Variants in BLTP3B observed in about 807,000 individuals in gnomAD.
BLTP3B encodes the protein bridge-like lipid transfer protein family member 3B.
At chr12:100,108,659 A>ATGTTG in the BLTP3B span, 2 of 830,820 alleles carry the variant, frequency 2.4e-6, no homozygotes, top group Non-Finnish European at 3.6e-6. Context: ...ACACAACATA[A>ATGTTG]TGTCCATCAA....
the BLTP3B span, among the ~76,000 whole-genome samples, chr12:100,061,091 C>A: frequency 6.6e-6 from 1 of 152,006 alleles, no homozygotes; most frequent in Non-Finnish European, 1.5e-5. Context: ...CATATACAAA[C>A]AGAGAAAAAT....
chr12:100,098,317 A>C, the BLTP3B span: 1,034 of 1,541,004 alleles, frequency 6.7e-4, 11 homozygotes, highest in African/African-American at 0.013. Context: ...TTGTCACTAA[A>C]TGAAACATTT....
the BLTP3B span, among the ~76,000 whole-genome samples, chr12:100,138,190 C>T: frequency 6.6e-6 from 1 of 152,196 alleles, no homozygotes; most frequent in Admixed American, 6.5e-5. Flanking sequence ...AACCCTGCTG[C>T]TACTTTAAGA....
At chr12:100,118,939 T>C in the BLTP3B span, among the ~76,000 whole-genome samples, 1 of 151,930 alleles carries the variant, frequency 6.6e-6, no homozygotes, top group Admixed American at 6.6e-5. Flanking sequence ...CTGTCTTTAC[T>C]AAAAATACAA....
chr12:100,095,817 T>C, the BLTP3B span: 1 of 1,609,490 alleles, frequency 6.2e-7, no homozygotes, highest in Non-Finnish European at 8.5e-7. Context: ...ACTTTGTTGC[T>C]ATGACATTGC....
the BLTP3B span, among the ~76,000 whole-genome samples, chr12:100,107,597 T>G: frequency 6.6e-6 from 1 of 151,772 alleles, no homozygotes; most frequent in East Asian, 1.9e-4. Flanking sequence ...ATTGCACCAC[T>G]GCACTCCAGC....
At chr12:100,142,416 G>C in the BLTP3B span, among the ~76,000 whole-genome samples, 1 of 152,132 alleles carries the variant, frequency 6.6e-6, no homozygotes, top group South Asian at 2.1e-4. Context: ...GCCAGCCCCC[G>C]GCGCCGCCGG....
At chr12:100,080,416 G>A in the BLTP3B span, among the ~76,000 whole-genome samples, 359 of 151,438 alleles carry the variant, frequency 2.4e-3, 8 homozygotes, top group East Asian at 0.04. Flanking sequence ...ACAGTGGCGC[G>A]ATCTCAGCTC....
At chr12:100,120,151 C>A in the BLTP3B span, among the ~76,000 whole-genome samples, 1 of 152,018 alleles carries the variant, frequency 6.6e-6, no homozygotes, top group Non-Finnish European at 1.5e-5. Flanking sequence ...CCTAGGCGGG[C>A]GGATCACCTG....
chr12:100,119,565 C>T, the BLTP3B span, among the ~76,000 whole-genome samples: 2 of 152,064 alleles, frequency 1.3e-5, no homozygotes, highest in African/African-American at 4.8e-5. Context: ...CTACAGTAAT[C>T]GAGGCAGTCT....
chr12:100,142,526 G>T, the BLTP3B span: 2 of 1,551,844 alleles, frequency 1.3e-6, no homozygotes, highest in East Asian at 2.5e-5. Context: ...CCCCGAAGCC[G>T]CAGGCTGACT....
At chr12:100,123,282 T>C in the BLTP3B span, among the ~76,000 whole-genome samples, 2 of 152,184 alleles carry the variant, frequency 1.3e-5, no homozygotes, top group African/African-American at 2.4e-5. Flanking sequence ...CTTTGCCCTA[T>C]AGGGCTTACT....
chr12:100,052,312 G>C, the BLTP3B span, among the ~76,000 whole-genome samples: 3 of 152,000 alleles, frequency 2.0e-5, no homozygotes, highest in Non-Finnish European at 4.4e-5. Flanking sequence ...CATAGTGCTA[G>C]GATTACAGGC....
chr12:100,037,080 A>G, the BLTP3B span: 1 of 875,986 alleles, frequency 1.1e-6, no homozygotes, highest in Non-Finnish European at 1.4e-6. Context: ...GATTTTCCAA[A>G]CCCATTAATT....
At chr12:100,100,865 T>C in the BLTP3B span, among the ~76,000 whole-genome samples, 1 of 152,074 alleles carries the variant, frequency 6.6e-6, no homozygotes, top group Non-Finnish European at 1.5e-5. Flanking sequence ...TCTAAATGAC[T>C]GTTACAATCA....
At chr12:100,084,457 G>A in the BLTP3B span, 1 of 1,601,466 alleles carries the variant, frequency 6.2e-7, no homozygotes, top group South Asian at 1.1e-5. Flanking sequence ...TTAGGGGAAT[G>A]CTATTATAGG....
chr12:100,125,932 T>C, the BLTP3B span, among the ~76,000 whole-genome samples: 1 of 152,106 alleles, frequency 6.6e-6, no homozygotes, highest in Non-Finnish European at 1.5e-5. Context: ...CAGGATAAAA[T>C]GGAATCACAA....
chr12:100,112,199 C>G, the BLTP3B span, among the ~76,000 whole-genome samples: 2 of 152,180 alleles, frequency 1.3e-5, no homozygotes, highest in Non-Finnish European at 2.9e-5. Flanking sequence ...TGTAATTTAG[C>G]CAGGAGCAGT....
At chr12:100,080,329 C>G in the BLTP3B span, among the ~76,000 whole-genome samples, 1 of 151,760 alleles carries the variant, frequency 6.6e-6, no homozygotes, top group African/African-American at 2.4e-5. Context: ...CAGAGCTGCC[C>G]AAGACCATGG....
Sources: allele counts gnomAD v4.1 joint callset (sites outside exome capture counted in the v4.1 genomes callset), GRCh38; gene constraint gnomAD v4.1.1; transcripts MANE v1.5; gene names NCBI Gene and HGNC (gene_info 2026-07-23, HGNC 2026-07-21).